ERN1: variants seen among roughly 807,000 people sequenced by gnomAD.
ERN1 encodes the protein endoplasmic reticulum to nucleus signaling 1.
In ERN1, 39 loss-of-function variants were observed where a neutral mutation model predicts 113.1. The observed-to-expected ratio is 0.34, with a 90% confidence interval of 0.27 to 0.45. The LOEUF is 0.45. Among genes scored for constraint, ERN1 ranks in the 20% least tolerant of loss-of-function variants. The pLI is 1.00. For synonymous variants in ERN1, 507 were observed against 515.9 expected (o/e 0.98, Z 0.23); for missense variants, 976 against 1,274.8 (o/e 0.77, Z 3.57).
At position 64,057,844 on chromosome 17, in the gene ERN1, G is replaced by A. The variant is rs768411680; in HGVS notation, c.1356C>T (p.Phe452=). The change falls in exon 12 of 22, where the codon TTC becomes TTT. Residue 452 remains phenylalanine, a synonymous_variant. Coordinates refer to ENST00000433197, the MANE Select transcript of ERN1 (RefSeq NM_001433.5). ...TGAAGGCCACCCAGCCAATCAGCAG[G>A]AAGGTGCTCAGGATGATGGTAGCCA... ...KDMATIILST[F]LLIGWVAFII... The A allele has an allele frequency of 1.5e-5, 24 of 1,613,986 alleles. No individual in the cohort carries two copies. The highest frequency in any genetic ancestry group is 7.7e-5 in the South Asian group (7 of 91,076).
intron 1 of ERN1, among the ~76,000 whole-genome samples, chr17:64,100,893 C>A (rs942040414): frequency 3.3e-5 from 5 of 152,218 alleles, no homozygotes; most frequent in Admixed American, 6.5e-5. Context: ...AAACAGAAAG[C>A]AGCCTGAGAA....
chr17:64,066,635 A>G, intron 8 of ERN1, 36 bp downstream of exon 8: 3 of 1,608,836 alleles, frequency 1.9e-6, no homozygotes, highest in Non-Finnish European at 2.6e-6. Context: ...CACGAAGGCC[A>G]CGGCCGCCCT....
At chr17:64,120,860 C>T (rs938120393) in intron 1 of ERN1, among the ~76,000 whole-genome samples, 2 of 152,194 alleles carry the variant, frequency 1.3e-5, no homozygotes, top group African/African-American at 4.8e-5. Flanking sequence ...CACCCCCATC[C>T]ACAACCCACT....
At position 64,075,224 on chromosome 17, in the gene ERN1, T is replaced by C; in HGVS notation, c.306A>G (p.Glu102=). ...TTCGGCATGGGGATGCCTGCACCAA[T>C]TCTGGGATGGTAAAAGGAAGTTTCT... ...GLTKLPFTIP[E]LVQASPCRSS... The change falls in exon 5 of 22, where the codon GAA becomes GAG. Residue 102 remains glutamate (E), a synonymous_variant. Transcript: ENST00000433197. The C allele has an allele frequency of 6.7e-7, 1 of 1,490,556 alleles. No individual in the cohort carries two copies. The highest frequency in any genetic ancestry group is 8.9e-7 in the Non-Finnish European group (1 of 1,127,198). 92.3% of individuals were successfully genotyped at this position (1,490,556 alleles called of 1,614,324 possible). A position where few individuals can be genotyped will look rare whatever the true frequency, so the allele number is the denominator to read the frequency against.
chr17:64,065,293 A>T lies in ERN1; in HGVS notation c.843-6T>A. ...TCCCAACATACAGAGTGGGCCTAGGAGAAAAACAGATACATGCATTCCAGA... is the reference window on the plus strand; with the variant it reads ...TCCCAACATACAGAGTGGGCCTAGGTGAAAAACAGATACATGCATTCCAGA... On this transcript the variant is annotated splice_polypyrimidine_tract_variant and splice_region_variant and intron_variant, in intron 8 of 21. Coordinates refer to ENST00000433197, the MANE Select transcript of ERN1 (RefSeq NM_001433.5). 6.3e-7 allele frequency: 1 copy of T among 1,588,748 alleles called. No individual in the cohort carries two copies. Among genetic ancestry groups the T allele is most frequent in the Non-Finnish European group, 8.6e-7 (1 of 1,164,948 alleles).
chr17:64,092,745 T>C (rs1318435558), intron 2 of ERN1, among the ~76,000 whole-genome samples: 1 of 152,188 alleles, frequency 6.6e-6, no homozygotes, highest in Non-Finnish European at 1.5e-5. Context: ...TTAACTAGTA[T>C]TTTAAGGTGA....
At chr17:64,065,543 A>G (rs1310431014) in intron 8 of ERN1, among the ~76,000 whole-genome samples, 1 of 152,164 alleles carries the variant, frequency 6.6e-6, no homozygotes, top group East Asian at 1.9e-4. Flanking sequence ...GCAGGGCTGG[A>G]CTAGACGATG....
chr17:64,093,731 C>T (rs780414028), intron 2 of ERN1, among the ~76,000 whole-genome samples: 4 of 152,174 alleles, frequency 2.6e-5, no homozygotes, highest in Non-Finnish European at 4.4e-5. Flanking sequence ...ACACTGAGGG[C>T]CAGGGCTTCA....
In ERN1 at chr17:64,063,677, A is replaced by T. The variant is rs780175486; in HGVS notation, c.1087+309T>A. ...AATGACAAGGGTACCTACCTCACAC[A>T]GGGTTGCTGTGAGGAGTGAGGAAAT... On this transcript the variant is annotated intron_variant, in intron 10 of 21. Transcript: ENST00000433197. This position sits in a 1 kb window ranked among gnomAD's most constrained non-coding sequence, Gnocchi z 5.1. 2.0e-5 allele frequency among the ~76,000 whole-genome samples: 3 copies of T among 152,188 alleles called. No individual in the cohort carries two copies. Among genetic ancestry groups the T allele is most frequent in the Non-Finnish European group, 4.4e-5 (3 of 68,042 alleles).
At chr17:64,125,102 C>T (rs1158040953) in intron 1 of ERN1, among the ~76,000 whole-genome samples, 1 of 152,090 alleles carries the variant, frequency 6.6e-6, no homozygotes, top group Non-Finnish European at 1.5e-5. Flanking sequence ...GAATTGTACA[C>T]TTTAAATGGG....
chr17:64,089,483 T>C (rs774322200), intron 2 of ERN1, among the ~76,000 whole-genome samples: 1 of 152,110 alleles, frequency 6.6e-6, no homozygotes, highest in Middle Eastern at 3.2e-3. Context: ...ATTTTCAGAT[T>C]TGAGATGTTC....
intron 6 of ERN1, among the ~76,000 whole-genome samples, chr17:64,071,216 G>T (rs940046441): frequency 6.6e-6 from 1 of 152,218 alleles, no homozygotes; most frequent in African/African-American, 2.4e-5. Context: ...GGAGAGCCGG[G>T]TGTTCCTGAG....
chr17:64,073,093 A>T (rs1178143879), intron 5 of ERN1, among the ~76,000 whole-genome samples: 1 of 150,844 alleles, frequency 6.6e-6, no homozygotes, highest in Non-Finnish European at 1.5e-5. Context: ...GCAGCCTCAA[A>T]CTCCTGGACT....
chr17:64,090,005 G>A (rs1025904961), intron 2 of ERN1, among the ~76,000 whole-genome samples: 3 of 151,888 alleles, frequency 2.0e-5, no homozygotes, highest in Admixed American at 6.5e-5. Context: ...TCATACATTC[G>A]AGTGGCCCAA....
chr17:64,117,301 G>T (rs552027065), intron 1 of ERN1, among the ~76,000 whole-genome samples: 1 of 151,410 alleles, frequency 6.6e-6, no homozygotes, highest in East Asian at 1.9e-4. Context: ...AAATTAGCTG[G>T]GCGTATTGGC....
intron 1 of ERN1, among the ~76,000 whole-genome samples, chr17:64,106,357 T>C (rs1050518977): frequency 2.0e-5 from 3 of 152,222 alleles, no homozygotes; most frequent in East Asian, 1.9e-4. Context: ...TTGCTAAATG[T>C]AGAATAATGA....
chr17:64,075,138 CAAAG>C (rs1240157410), intron 5 of ERN1, 33 bp downstream of exon 5: 1 of 1,496,380 alleles, frequency 6.7e-7, no homozygotes, highest in Non-Finnish European at 9.1e-7. Context: ...GGACTTACAT[CAAAG>C]AGACACAAGT....
intron 6 of ERN1, among the ~76,000 whole-genome samples, chr17:64,068,823 T>C (rs921436268): frequency 6.6e-6 from 1 of 152,168 alleles, no homozygotes; most frequent in Non-Finnish European, 1.5e-5. Flanking sequence ...GCATGACTAT[T>C]GCTTGCAGTA....
intron 1 of ERN1, among the ~76,000 whole-genome samples, chr17:64,117,771 G>A (rs1274855435): frequency 2.6e-5 from 4 of 152,122 alleles, no homozygotes; most frequent in Non-Finnish European, 5.9e-5. Context: ...GGCAACTTAC[G>A]AGGCCTCCAT....
Sources: gnomAD v4.1 joint callset for allele counts (sites outside exome capture counted in the v4.1 genomes callset) on GRCh38, gnomAD v4.1.1 for gene constraint, Gnocchi (gnomAD v3.1) non-coding constraint, MANE v1.5 for transcripts, NCBI Gene and HGNC (gene_info 2026-07-23, HGNC 2026-07-21) for gene names.